Variants in RPP14 observed in about 807,000 individuals in gnomAD.
RPP14 encodes ribonuclease P protein subunit p14.
In RPP14, 19 loss-of-function variants were observed where a neutral mutation model predicts 17.8. The ratio of observed to expected loss-of-function variants is 1.07; its 90% CI spans 0.74 to 1.57. The LOEUF (loss-of-function observed/expected upper bound fraction) is 1.57, where lower values mean the gene tolerates loss of function less well. RPP14 is among the 40% of genes most tolerant of loss of function. The pLI is 0.00. For missense variants in RPP14, 125 were observed against 140.8 expected (o/e 0.89, Z 0.57); for synonymous variants, 60 against 56.4 (o/e 1.06, Z -0.29).
intron 3 of RPP14, among the ~76,000 whole-genome samples, chr3:58,311,472 C>T (rs748505753): frequency 1.3e-5 from 2 of 152,112 alleles, no homozygotes; most frequent in African/African-American, 4.8e-5. Context: ...TTTTTTAGCT[C>T]TCACATATGA....
chr3:58,319,528 A>G lies in RPP14; in HGVS notation c.*2032A>G, dbSNP rs942255130. 2 of 152,104 alleles carry G rather than the reference A, an allele frequency of 1.3e-5. No homozygotes were observed. Among genetic ancestry groups the G allele is most frequent in the Non-Finnish European group, 2.9e-5 (2 of 68,032 alleles). The allele number at this position is 152,104 out of a possible 1,614,324, so 9.4% of individuals were successfully genotyped here. On this transcript the variant is annotated 3_prime_UTR_variant, in exon 6 of 6. Transcript: ENST00000295959. ...GACCAGTTTTTCAGGGTGTCAGCCA[A>G]CCTCTATTAGTGTTCTTAAGTACAG...
At chr3:58,312,334 A>ACCCCCCC (rs76719108) in intron 3 of RPP14, among the ~76,000 whole-genome samples, 9 of 69,704 alleles carry the variant, frequency 1.3e-4, no homozygotes, top group Admixed American at 1.7e-4. Context: ...CAACCTCCGC[A>ACCCCCCC]CCCCCCCCCG....
chr3:58,316,327 T>A (rs1171313612), intron 3 of RPP14, among the ~76,000 whole-genome samples, 188 bp from the exon 4 acceptor site: 1 of 152,224 alleles, frequency 6.6e-6, no homozygotes, highest in East Asian at 1.9e-4. Context: ...ATCAGCCATA[T>A]GAAGAGGTGT....
chr3:58,309,110 C>G (rs1041955670), intron 1 of RPP14, among the ~76,000 whole-genome samples: 2 of 152,250 alleles, frequency 1.3e-5, no homozygotes, highest in Admixed American at 1.3e-4. Flanking sequence ...TGAGAGCAGG[C>G]AGACACAGGA....
At chr3:58,311,785 G>A (rs1015106487) in intron 3 of RPP14, among the ~76,000 whole-genome samples, 2 of 151,418 alleles carry the variant, frequency 1.3e-5, no homozygotes, top group African/African-American at 4.9e-5. Flanking sequence ...AGCTGCACAT[G>A]TCTTTTTGAA....
chr3:58,310,322 T>C lies in RPP14; in HGVS notation c.-8T>C, dbSNP rs1227929239. ...GACTTACTGTAGGTGTGATCAGCAC[T>C]GGAAAAGATGCCTGCCCCTGCTGCC... On this transcript the variant is annotated 5_prime_UTR_variant, in exon 2 of 6. Transcript: ENST00000295959. 1 of 1,613,628 alleles carries C rather than the reference T, an allele frequency of 6.2e-7. No homozygotes were observed. Among genetic ancestry groups the C allele is most frequent in the Non-Finnish European group, 8.5e-7 (1 of 1,179,632 alleles).
In RPP14 at chr3:58,318,001, G is replaced by T; in HGVS notation, c.*505G>T. On this transcript the variant is annotated 3_prime_UTR_variant, in exon 6 of 6. Coordinates refer to ENST00000295959, the MANE Select transcript of RPP14 (RefSeq NM_007042.6). ...AGAAGTTGTTTTAGCTTCTGCAGAA[G>T]TGAAAAAGCTGAAGCGGTTCATTGC... The T allele has an allele frequency of 1.4e-6, 1 of 702,876 alleles. No homozygotes were observed. Among genetic ancestry groups the T allele is most frequent in the Non-Finnish European group, 2.6e-6 (1 of 384,966 alleles). 43.5% of individuals were successfully genotyped at this position (702,876 alleles called of 1,614,324 possible).
intron 3 of RPP14, among the ~76,000 whole-genome samples, chr3:58,313,993 CTGTGGTAAACTA>C (rs2097485175): frequency 6.6e-6 from 1 of 152,208 alleles, no homozygotes; most frequent in African/African-American, 2.4e-5. Flanking sequence ...TTGAGGCTGG[CTGTGGTAAACTA>C]TGATTGCACT....
Position 58,306,404 on chromosome 3 carries a change from C to T in RPP14, c.-35C>T, listed in dbSNP as rs17059150. On this transcript the variant is annotated 5_prime_UTR_variant, in exon 1 of 6. Transcript: ENST00000295959. ...GAGTCTGGTCAGGCGTCAGGCTAGTCCGACGAAGAGTGGGTAGGTGGAAGC... is the reference window on the plus strand; with the variant it reads ...GAGTCTGGTCAGGCGTCAGGCTAGTTCGACGAAGAGTGGGTAGGTGGAAGC... The T allele has an allele frequency of 1.3e-5, 2 of 152,262 alleles. No homozygotes were observed. The highest frequency in any genetic ancestry group is 4.8e-5 in the African/African-American group (2 of 41,432). The allele number at this position is 152,262 out of a possible 1,614,324, so 9.4% of individuals were successfully genotyped here. A position where few individuals can be genotyped will look rare whatever the true frequency, so the allele number is the denominator to read the frequency against.
Position 58,310,401 on chromosome 3 carries a change from C to G in RPP14, c.72C>G (p.Val24=), listed in dbSNP as rs754026224. ...CTTCCGAGTACCACTACATGAAAGT[C>G]TGCCTGTAAGTTTAGTTTCCTAAGT... ...KNPSEYHYMK[V]CLEFQDCGVG... The change falls in exon 2 of 6, where the codon GTC becomes GTG. Residue 24 remains valine, a synonymous_variant. Coordinates refer to ENST00000295959, the MANE Select transcript of RPP14 (RefSeq NM_007042.6). The G allele has an allele frequency of 6.2e-7, 1 of 1,613,692 alleles. No individual in the cohort carries two copies. Among genetic ancestry groups the G allele is most frequent in the African/African-American group, 1.3e-5 (1 of 74,996 alleles).
chr3:58,317,064 C>T (rs973291076), intron 5 of RPP14, 71 bp downstream of exon 5: 11 of 1,089,158 alleles, frequency 1.0e-5, no homozygotes, highest in Admixed American at 4.0e-5. Flanking sequence ...ATATACACAA[C>T]TCATTTTTGT....
chr3:58,306,949 G>C (rs1433312115), intron 1 of RPP14, among the ~76,000 whole-genome samples: 2 of 152,344 alleles, frequency 1.3e-5, no homozygotes, highest in East Asian at 3.9e-4. Flanking sequence ...GGGCATGGGG[G>C]TGGGGTGCGG....
intron 1 of RPP14, chr3:58,306,795 C>T (rs1425330253): frequency 6.6e-6 from 1 of 152,040 alleles, no homozygotes; most frequent in African/African-American, 2.4e-5. Flanking sequence ...TGTTTTAGGG[C>T]CTTGGGAAAC....
chr3:58,315,295 C>T (rs948749671), intron 3 of RPP14, among the ~76,000 whole-genome samples: 28 of 151,400 alleles, frequency 1.8e-4, no homozygotes, highest in African/African-American at 6.8e-4. Context: ...CAAAACATGA[C>T]ATACTGGGTG....
Position 58,318,003 on chromosome 3 carries a change from G to A in RPP14, c.*507G>A. The stretch of plus-strand genomic sequence containing the variant: ...AAGTTGTTTTAGCTTCTGCAGAAGT[G>A]AAAAAGCTGAAGCGGTTCATTGCTA... On this transcript the variant is annotated 3_prime_UTR_variant, in exon 6 of 6. Transcript: ENST00000295959. 1.4e-6 allele frequency: 1 copy of A among 702,798 alleles called. No individual in the cohort carries two copies. The allele number at this position is 702,798 out of a possible 1,614,324, so 43.5% of individuals were successfully genotyped here.
chr3:58,310,632 TG>T, intron 3 of RPP14, 41 bp downstream of exon 3: 2 of 1,546,758 alleles, frequency 1.3e-6, no homozygotes. Context: ...CAAAGATCTT[TG>T]TAAGAAATAC....
chr3:58,307,109 C>G (rs1367020091), intron 1 of RPP14, among the ~76,000 whole-genome samples: 1 of 152,084 alleles, frequency 6.6e-6, no homozygotes, highest in East Asian at 1.9e-4. Context: ...GGGAGCGAGA[C>G]TGGCGCGTGA....
intron 3 of RPP14, among the ~76,000 whole-genome samples, chr3:58,312,825 G>T (rs1000635913): frequency 2.6e-5 from 4 of 152,086 alleles, no homozygotes; most frequent in Non-Finnish European, 4.4e-5. Flanking sequence ...GCTGGGCATG[G>T]TGGCGCACGC....
At chr3:58,309,392 T>A (rs2097479594) in intron 1 of RPP14, among the ~76,000 whole-genome samples, 1 of 152,202 alleles carries the variant, frequency 6.6e-6, no homozygotes, top group African/African-American at 2.4e-5. Flanking sequence ...CTCAGGAGCA[T>A]TTTGAAGACA....
Sources: gnomAD v4.1 joint callset for allele counts (sites outside exome capture counted in the v4.1 genomes callset) on GRCh38, gnomAD v4.1.1 for gene constraint, MANE v1.5 for transcripts, NCBI Gene and HGNC (gene_info 2026-07-23, HGNC 2026-07-21) for gene names.